Variants in PKHD1L1 observed in about 807,000 individuals in gnomAD.
The protein encoded by PKHD1L1 is PKHD1 like 1, also known as fibrocystin-L.
Under a neutral mutation model 462.9 loss-of-function variants are expected in PKHD1L1, and 434 were observed. That is an observed-to-expected ratio of 0.94 (90% CI 0.87 to 1.02). The LOEUF (loss-of-function observed/expected upper bound fraction) is 1.02. PKHD1L1 is among the 50% of genes least tolerant of loss of function. The probability of loss-of-function intolerance (pLI) is 0.00; values close to 1 mark genes in which losing one functional copy is unlikely to be tolerated. For missense variants in PKHD1L1, 5,202 were observed against 5,096.1 expected, an observed-to-expected ratio of 1.02 and a Z score of -0.63; for synonymous variants, 1,781 against 1,750.0, an observed-to-expected ratio of 1.02 and a Z score of -0.44.
At chr8:109,411,849 C>T (rs373820912) in intron 19 of PKHD1L1, among the ~76,000 whole-genome samples, 18 of 152,250 alleles carry the variant, frequency 1.2e-4, no homozygotes, top group South Asian at 4.1e-4. Context: ...AGCCTTAGTA[C>T]GATAATCATT....
At chr8:109,391,250 G>C (rs564631087) in intron 9 of PKHD1L1, among the ~76,000 whole-genome samples, 2 of 152,278 alleles carry the variant, frequency 1.3e-5, no homozygotes, top group African/African-American at 4.8e-5. Flanking sequence ...GGAACATTAG[G>C]TAATTTGCCT....
chr8:109,400,199 A>G lies in PKHD1L1; in HGVS notation c.1136A>G (p.Tyr379Cys), dbSNP rs552167072. The change falls in exon 13 of 78, where the codon TAT becomes TGT. Residue 379 changes from tyrosine (Y) to cysteine (C), a missense_variant. Coordinates refer to ENST00000378402, the MANE Select transcript of PKHD1L1 (RefSeq NM_177531.6). ...GCCAGTTGGGTAGATTCAGCTTCCT[A>G]TATTTGGCTCATGGAACAAGACACA... Reference protein sequence around the residue: ...MGASWVDSASYIWLMEQDTFV... With the variant: ...MGASWVDSASCIWLMEQDTFV... 2.5e-6 allele frequency: 4 copies of G among 1,613,702 alleles called. No homozygotes were observed. The African/African-American group carries it at 5.3e-5, about 22-fold the overall frequency.
chr8:109,442,308 C>A, intron 35 of PKHD1L1, 113 bp downstream of exon 35: 2 of 1,038,218 alleles, frequency 1.9e-6, no homozygotes, highest in Non-Finnish European at 2.7e-6. Context: ...TACACAAATG[C>A]GTAAGGTATT....
chr8:109,380,613 C>G (rs947865920), intron 2 of PKHD1L1, among the ~76,000 whole-genome samples: 8 of 152,128 alleles, frequency 5.3e-5, no homozygotes, highest in Admixed American at 5.2e-4. Flanking sequence ...CAATGGGGAC[C>G]AGATTTGATG....
intron 3 of PKHD1L1, among the ~76,000 whole-genome samples, chr8:109,382,032 G>A (rs976919369): frequency 6.6e-6 from 1 of 151,898 alleles, no homozygotes; most frequent in Non-Finnish European, 1.5e-5. Flanking sequence ...ACATATTCTA[G>A]AGGATTTCAT....
intron 9 of PKHD1L1, among the ~76,000 whole-genome samples, chr8:109,393,808 C>T (rs532158391): frequency 1.8e-4 from 27 of 152,256 alleles, no homozygotes; most frequent in African/African-American, 6.3e-4. Context: ...CAGACTGGGG[C>T]GGTCAGCGGA....
intron 77 of PKHD1L1, among the ~76,000 whole-genome samples, chr8:109,528,219 G>A (rs1269671757): frequency 6.6e-6 from 1 of 152,030 alleles, no homozygotes; most frequent in African/African-American, 2.4e-5. Context: ...GACATGATAG[G>A]AGCAAGGAAA....
intron 53 of PKHD1L1, among the ~76,000 whole-genome samples, chr8:109,477,982 G>GAT (rs973239333): frequency 1.3e-5 from 2 of 152,092 alleles, no homozygotes; most frequent in Admixed American, 1.3e-4. Context: ...TACTGGACAT[G>GAT]ATGGTACTAG....
At chr8:109,460,421 G>C (rs1432839396) in intron 47 of PKHD1L1, among the ~76,000 whole-genome samples, 1 of 152,122 alleles carries the variant, frequency 6.6e-6, no homozygotes, top group Non-Finnish European at 1.5e-5. Context: ...TGGATAGATG[G>C]AATGATGGGG....
chr8:109,515,771 G>A (rs1820237756), intron 72 of PKHD1L1, among the ~76,000 whole-genome samples: 1 of 152,134 alleles, frequency 6.6e-6, no homozygotes, highest in African/African-American at 2.4e-5. Context: ...ATAAACTTGT[G>A]TTAAATGAAA....
Position 109,465,078 on chromosome 8 carries a change from C to T in PKHD1L1, c.8246C>T (p.Pro2749Leu). The T allele has an allele frequency of 6.2e-7, 1 of 1,613,784 alleles. No homozygotes were observed. The highest frequency in any genetic ancestry group is 8.5e-7 in the Non-Finnish European group (1 of 1,179,790). The part of the protein sequence containing the change: ...SSVHFMNFDR[P>L]NCVALGVTSI... ...GTGCACTTTATGAACTTTGACCGTCCCAACTGTGTAGCTTTGGGAGTGACA... is the reference window on the plus strand; with the variant it reads ...GTGCACTTTATGAACTTTGACCGTCTCAACTGTGTAGCTTTGGGAGTGACA... The change falls in exon 49 of 78, where the codon CCC (proline) becomes CTC (leucine). Residue 2749 changes from proline (P) to leucine (L), a missense_variant. By Grantham distance (98) the Pro-to-Leu change is moderately conservative. Coordinates refer to ENST00000378402, the MANE Select transcript of PKHD1L1 (RefSeq NM_177531.6).
chr8:109,500,121 T>C (rs1819326817), intron 67 of PKHD1L1, among the ~76,000 whole-genome samples: 1 of 152,204 alleles, frequency 6.6e-6, no homozygotes, highest in Non-Finnish European at 1.5e-5. Context: ...CTCTTGGGAC[T>C]ACTGGGATCT....
At chr8:109,377,968 T>G (rs1811922168) in intron 2 of PKHD1L1, among the ~76,000 whole-genome samples, 2 of 152,330 alleles carry the variant, frequency 1.3e-5, no homozygotes, top group Admixed American at 6.5e-5. Flanking sequence ...AATTTTTGTC[T>G]CTGTTTTGCA....
chr8:109,449,237 G>T, intron 39 of PKHD1L1, 101 bp from the exon 40 acceptor site: 1 of 1,182,278 alleles, frequency 8.5e-7, no homozygotes, highest in South Asian at 2.0e-5. Context: ...TTCATTTAAT[G>T]TAACTTACTT....
chr8:109,374,159 G>T (rs1018538956), intron 2 of PKHD1L1, among the ~76,000 whole-genome samples: 4 of 152,100 alleles, frequency 2.6e-5, no homozygotes, highest in Non-Finnish European at 5.9e-5. Context: ...GGTCTCTCAG[G>T]ACTTGATTTA....
chr8:109,478,772 A>C lies in PKHD1L1; in HGVS notation c.9090-779A>C, dbSNP rs949955156. ...TCTAGGCCAGAATGTGATAAAGGTA[A>C]ACTACGATAAACTACATGTATATGC... is the stretch of plus-strand genomic sequence containing the variant. On this transcript the variant is annotated intron_variant, in intron 53 of 77. Coordinates refer to ENST00000378402, the MANE Select transcript of PKHD1L1 (RefSeq NM_177531.6). Among the ~76,000 whole-genome samples, 4 of 152,154 alleles carry C rather than the reference A, an allele frequency of 2.6e-5. 1 individual carries two copies. The highest frequency in any genetic ancestry group is 1.3e-4 in the Admixed American group (2 of 15,238).
intron 67 of PKHD1L1, among the ~76,000 whole-genome samples, chr8:109,502,579 C>T (rs980596171): frequency 6.6e-6 from 1 of 152,204 alleles, no homozygotes. Context: ...AGAACCCAAC[C>T]ATCTCTTAAG....
chr8:109,418,843 A>G (rs1214056072), intron 21 of PKHD1L1, among the ~76,000 whole-genome samples: 2 of 152,168 alleles, frequency 1.3e-5, no homozygotes, highest in Non-Finnish European at 2.9e-5. Flanking sequence ...GTTATTTTAC[A>G]TTCCTATGGC....
rs1274231355 is a variant in PKHD1L1 at position 109,466,639 on chromosome 8, G to A, written c.8475G>A (p.Gln2825=). Residue 2825 remains glutamine, a synonymous_variant, in exon 50 of 78, where the codon CAG becomes CAA. Coordinates refer to ENST00000378402, the MANE Select transcript of PKHD1L1 (RefSeq NM_177531.6). ...SSLLDPSHCT[Q]EAEWSIGFPG... ...TGCTAGACCCTTCTCATTGTACTCA[G>A]GAAGCTGAGTGGAGCATTGGGTTCC... 6 of 1,610,296 alleles carry A rather than the reference G, an allele frequency of 3.7e-6. No homozygotes were observed. Among genetic ancestry groups the A allele is most frequent in the African/African-American group, 1.3e-5 (1 of 74,834 alleles).
Sources: gnomAD v4.1 joint callset for allele counts (sites outside exome capture counted in the v4.1 genomes callset) on GRCh38, gnomAD v4.1.1 for gene constraint, MANE v1.5 for transcripts, NCBI Gene and HGNC (gene_info 2026-07-23, HGNC 2026-07-21) for gene names.